METTL16: variants seen among roughly 807,000 people sequenced by gnomAD.
The protein encoded by METTL16 is methyltransferase 16, RNA N6-adenosine.
METTL16 carries 19 observed loss-of-function variants against 57.9 expected under a neutral mutation model. That is an observed-to-expected ratio of 0.33 (90% CI 0.23 to 0.48). The LOEUF is 0.48. Among genes scored for constraint, METTL16 ranks in the 20% least tolerant of loss-of-function variants. METTL16 has a pLI of 0.99. For synonymous variants in METTL16, 246 were observed against 255.6 expected (o/e 0.96, Z 0.36); for missense variants, 434 against 691.5 (o/e 0.63, Z 4.18).
chr17:2,421,793 G>A (rs903680660), intron 8 of METTL16, among the ~76,000 whole-genome samples: 5 of 152,190 alleles, frequency 3.3e-5, no homozygotes, highest in African/African-American at 9.7e-5. Flanking sequence ...CTAAGATCAC[G>A]TGGGCAGAGG....
chr17:2,450,828 C>T (rs2151556494), intron 6 of METTL16, among the ~76,000 whole-genome samples: 1 of 152,102 alleles, frequency 6.6e-6, no homozygotes. Flanking sequence ...TGTTTATATA[C>T]AAAATGCCTA....
chr17:2,478,916 G>T (rs750443211), intron 2 of METTL16, among the ~76,000 whole-genome samples: 4 of 152,136 alleles, frequency 2.6e-5, no homozygotes, highest in Non-Finnish European at 4.4e-5. Flanking sequence ...ATGATGGATT[G>T]TTGACCATCA....
At chr17:2,467,936 C>T (rs2067213155) in intron 4 of METTL16, 60 bp from the exon 5 acceptor site, 4 of 1,122,598 alleles carry the variant, frequency 3.6e-6, no homozygotes, top group South Asian at 2.5e-5. Context: ...TAAAGTATAA[C>T]CGCGCACTGC....
Position 2,438,374 on chromosome 17 carries a change from CAA to C in METTL16, c.799-178_799-177del, listed in dbSNP as rs940711964. On this transcript the variant is annotated intron_variant, in intron 7 of 9. Transcript: ENST00000263092. ...AATGAATGAATAAATCATCTCTCAA[CAA>C]AGTTATATTTTTTCCTCCCATAAAA... 3.3e-5 allele frequency among the ~76,000 whole-genome samples: 5 copies of C among 152,310 alleles called. No individual in the cohort carries two copies. In the East Asian group the frequency reaches 5.8e-4, roughly 18 times the overall value.
chr17:2,464,463 G>C (rs34909896), intron 5 of METTL16, 113 bp from the exon 6 acceptor site: 287 of 990,706 alleles, frequency 2.9e-4, no homozygotes, highest in Non-Finnish European at 3.9e-4. Context: ...TTTCCAAATA[G>C]TATGCTAGAT....
At chr17:2,467,582 C>G (rs1056016001) in intron 5 of METTL16, among the ~76,000 whole-genome samples, 179 bp downstream of exon 5, 1 of 152,132 alleles carries the variant, frequency 6.6e-6, no homozygotes, top group African/African-American at 2.4e-5. Context: ...TGGGCCATGA[C>G]GCCTGGCTAA....
At chr17:2,457,701 ACT>A (rs1411954492) in intron 6 of METTL16, among the ~76,000 whole-genome samples, 1 of 147,362 alleles carries the variant, frequency 6.8e-6, no homozygotes, top group Non-Finnish European at 1.5e-5. Flanking sequence ...ACAGAGCGAG[ACT>A]CTGTCTCAAA....
chr17:2,439,118 AT>A (rs1567885819), intron 7 of METTL16, among the ~76,000 whole-genome samples: 1 of 151,884 alleles, frequency 6.6e-6, no homozygotes, highest in East Asian at 1.9e-4. Flanking sequence ...TTAAAAGAAA[AT>A]TTTTTGGGGA....
chr17:2,464,400 C>A, intron 5 of METTL16, 50 bp from the exon 6 acceptor site: 4 of 1,512,882 alleles, frequency 2.6e-6, no homozygotes, highest in South Asian at 1.3e-5. Context: ...CCCCAAGAAC[C>A]AAGTTTGAAT....
intron 8 of METTL16, among the ~76,000 whole-genome samples, chr17:2,423,097 C>T (rs2066779774): frequency 6.6e-6 from 1 of 152,140 alleles, no homozygotes; most frequent in Non-Finnish European, 1.5e-5. Context: ...CGTACCTGGC[C>T]ACACTGACAG....
intron 6 of METTL16, among the ~76,000 whole-genome samples, chr17:2,462,002 CAAAGA>C (rs2067153169): frequency 6.6e-6 from 1 of 152,116 alleles, no homozygotes; most frequent in Admixed American, 6.5e-5. Flanking sequence ...GGTCTACATC[CAAAGA>C]AATGAAAGCA....
intron 2 of METTL16, among the ~76,000 whole-genome samples, chr17:2,478,898 T>A (rs188549656): frequency 1.3e-5 from 2 of 152,334 alleles, no homozygotes; most frequent in African/African-American, 2.4e-5. Flanking sequence ...GTTGTTTCCA[T>A]CACGGTCATG....
rs112745111 is a variant in METTL16 at position 2,453,800 on chromosome 17, A to G, written c.728+10408T>C. On this transcript the variant is annotated intron_variant, in intron 6 of 9. Coordinates refer to ENST00000263092, the MANE Select transcript of METTL16 (RefSeq NM_024086.4). ...CTGTATGAAACTGACATTTTTATAC[A>G]TCAAAAACTATTTGATAGGTCAGAA... Among the ~76,000 whole-genome samples, 79 of 152,348 alleles carry G rather than the reference A, an allele frequency of 5.2e-4. 1 individual carries two copies. The highest frequency in any genetic ancestry group is 1.6e-3 in the African/African-American group (67 of 41,582).
intron 6 of METTL16, among the ~76,000 whole-genome samples, chr17:2,461,940 G>T (rs1443777887): frequency 6.6e-6 from 1 of 152,054 alleles, no homozygotes; most frequent in Admixed American, 6.6e-5. Flanking sequence ...ACAGAAAAGA[G>T]GACAATACCG....
chr17:2,485,479 CA>C (rs2067334793), intron 2 of METTL16, among the ~76,000 whole-genome samples: 1 of 152,092 alleles, frequency 6.6e-6, no homozygotes, highest in African/African-American at 2.4e-5. Flanking sequence ...TCCCTGGTGC[CA>C]AAAAGGTTGG....
intron 8 of METTL16, among the ~76,000 whole-genome samples, chr17:2,437,243 G>C (rs2066915394): frequency 6.6e-6 from 1 of 152,124 alleles, no homozygotes; most frequent in Middle Eastern, 3.4e-3. Context: ...AAATAGAAAG[G>C]AATAATGATC....
intron 1 of METTL16, among the ~76,000 whole-genome samples, chr17:2,511,396 T>C (rs1448211742): frequency 1.3e-5 from 2 of 152,036 alleles, no homozygotes; most frequent in African/African-American, 2.4e-5. Context: ...ATCTACATCT[T>C]CTCTCTTCGC....
chr17:2,485,065 G>C (rs1211466831), intron 2 of METTL16, among the ~76,000 whole-genome samples: 3 of 152,158 alleles, frequency 2.0e-5, no homozygotes, highest in Non-Finnish European at 4.4e-5. Context: ...CAGGAGGTGA[G>C]AGGCAAGCAA....
chr17:2,432,171 C>A (rs1029391908), intron 8 of METTL16, among the ~76,000 whole-genome samples: 1 of 152,136 alleles, frequency 6.6e-6, no homozygotes, highest in African/African-American at 2.4e-5. Flanking sequence ...AGGATGGTCT[C>A]GATCTCCTGA....
Sources: allele counts gnomAD v4.1 joint callset (sites outside exome capture counted in the v4.1 genomes callset), GRCh38; gene constraint gnomAD v4.1.1; transcripts MANE v1.5; gene names NCBI Gene and HGNC (gene_info 2026-07-23, HGNC 2026-07-21).